CLVS1: variants seen among roughly 807,000 people sequenced by gnomAD.
The protein encoded by CLVS1 is clavesin-1.
In CLVS1, 10 loss-of-function variants were observed where a neutral mutation model predicts 33.1. That is an observed-to-expected ratio of 0.30 (90% CI 0.19 to 0.51). The LOEUF is 0.51. Among genes scored for constraint, CLVS1 ranks in the 20% least tolerant of loss-of-function variants. The pLI is 0.97. For missense variants in CLVS1, 343 were observed against 433.4 expected (o/e 0.79, Z 1.85); for synonymous variants, 163 against 166.1 (o/e 0.98, Z 0.14).
At chr8:60,997,985 G>A in the CLVS1 span, among the ~76,000 whole-genome samples, 3 of 152,042 alleles carry the variant, frequency 2.0e-5, no homozygotes, top group East Asian at 1.9e-4. Context: ...TGTGGAGGAC[G>A]GTGGGAAGGT....
intron 1 of CLVS1, among the ~76,000 whole-genome samples, chr8:61,114,866 C>G (rs1046240183): frequency 6.6e-6 from 1 of 152,124 alleles, no homozygotes; most frequent in Non-Finnish European, 1.5e-5. Context: ...CCAAACAAAA[C>G]AAATATAACA....
intron 2 of CLVS1, among the ~76,000 whole-genome samples, chr8:61,337,332 T>A (rs1811843421): frequency 6.6e-6 from 1 of 152,204 alleles, no homozygotes; most frequent in Non-Finnish European, 1.5e-5. Flanking sequence ...TTTTGCCCTC[T>A]TAGCCTCCGG....
intron 1 of CLVS1, among the ~76,000 whole-genome samples, chr8:61,073,378 C>T (rs1027974171): frequency 3.3e-5 from 5 of 152,144 alleles, no homozygotes; most frequent in Non-Finnish European, 7.3e-5. Flanking sequence ...TTTCTAATAG[C>T]TTCTAAAACC....
chr8:61,240,192 C>T (rs1290861023), intron 2 of CLVS1, among the ~76,000 whole-genome samples: 1 of 152,234 alleles, frequency 6.6e-6, no homozygotes, highest in Non-Finnish European at 1.5e-5. Context: ...CTCTCCACAA[C>T]TTCCCACCAC....
At chr8:61,180,385 T>G (rs1419744571) in intron 2 of CLVS1, among the ~76,000 whole-genome samples, 1 of 152,184 alleles carries the variant, frequency 6.6e-6, no homozygotes, top group Non-Finnish European at 1.5e-5. Context: ...ACCAGGTGGA[T>G]TCACAGCCAA....
At chr8:61,449,821 T>G (rs1402394357) in intron 3 of CLVS1, among the ~76,000 whole-genome samples, 1 of 152,202 alleles carries the variant, frequency 6.6e-6, no homozygotes, top group Non-Finnish European at 1.5e-5. Flanking sequence ...CTGATTTGTC[T>G]TCTTCTCTCC....
chr8:61,048,663 CT>C, the CLVS1 span, among the ~76,000 whole-genome samples: 1 of 152,104 alleles, frequency 6.6e-6, no homozygotes, highest in South Asian at 2.1e-4. Flanking sequence ...AAGGCAGGAC[CT>C]TTTGCATCAA....
At chr8:61,031,732 C>T in the CLVS1 span, among the ~76,000 whole-genome samples, 2,213 of 152,264 alleles carry the variant, frequency 0.015, 59 homozygotes, top group African/African-American at 0.05. Flanking sequence ...TAATTCAATA[C>T]AGAATGGGGA....
chr8:61,370,134 A>T lies in CLVS1; in HGVS notation c.456-6471A>T, dbSNP rs540424419. On this transcript the variant is annotated intron_variant, in intron 2 of 5. Coordinates refer to ENST00000325897, the MANE Select transcript of CLVS1 (RefSeq NM_173519.3). The stretch of plus-strand genomic sequence containing the variant: ...GACCTTAAGAAATTTCCAAAGTCAA[A>T]TCATCATATTAAGTGTGATGTCAAG... 4.6e-5 allele frequency among the ~76,000 whole-genome samples: 7 copies of T among 152,324 alleles called. No homozygotes were observed. In the East Asian group the frequency reaches 1.4e-3, roughly 29 times the overall value.
intron 2 of CLVS1, among the ~76,000 whole-genome samples, chr8:61,134,749 C>T (rs1021958712): frequency 9.9e-5 from 15 of 152,174 alleles, no homozygotes; most frequent in Non-Finnish European, 2.1e-4. Flanking sequence ...ACACTGAGCC[C>T]ACCCAGGTAA....
chr8:61,048,936 G>C, the CLVS1 span, among the ~76,000 whole-genome samples: 1,638 of 152,166 alleles, frequency 0.011, 22 homozygotes, highest in African/African-American at 0.037. Context: ...CTCTGTCCTG[G>C]AGAGTAGGCA....
chr8:61,236,233 G>T (rs1354633739), intron 2 of CLVS1, among the ~76,000 whole-genome samples: 1 of 152,190 alleles, frequency 6.6e-6, no homozygotes, highest in Non-Finnish European at 1.5e-5. Context: ...TGAGATATGG[G>T]CACAACACCT....
At chr8:61,416,302 C>CA (rs1397954928) in intron 3 of CLVS1, among the ~76,000 whole-genome samples, 1,528 of 92,208 alleles carry the variant, frequency 0.017, 13 homozygotes, top group Middle Eastern at 0.031. Flanking sequence ...AGCTAGCTAG[C>CA]TAGATACATA....
In CLVS1 at chr8:61,078,986, T is replaced by A. The variant is rs568941601; in HGVS notation, c.-243+21756T>A. ...ATTTTCCAAGAACAACATTTGTGAA[T>A]GTTGAGAAAAAAATAGGTAGAAATA... On this transcript the variant is annotated intron_variant, in intron 1 of 2. Coordinates refer to the CLVS1 transcript ENST00000522621. 3.3e-5 allele frequency among the ~76,000 whole-genome samples: 5 copies of A among 152,242 alleles called. No individual in the cohort carries two copies. In the South Asian group the frequency reaches 8.3e-4, roughly 25 times the overall value.
At chr8:61,144,878 C>T (rs757094915) in intron 2 of CLVS1, among the ~76,000 whole-genome samples, 3 of 152,154 alleles carry the variant, frequency 2.0e-5, no homozygotes, top group African/African-American at 4.8e-5. Context: ...TACAGGTGCC[C>T]GCTGCCACAC....
At chr8:61,059,763 A>T (rs377285923) in intron 1 of CLVS1, among the ~76,000 whole-genome samples, 2 of 150,684 alleles carry the variant, frequency 1.3e-5, no homozygotes, top group East Asian at 3.9e-4. Flanking sequence ...GTGAGCCGAG[A>T]TCACACCAAG....
chr8:61,458,927 C>G (rs562851184), intron 5 of CLVS1, among the ~76,000 whole-genome samples: 7 of 152,178 alleles, frequency 4.6e-5, no homozygotes, highest in Non-Finnish European at 1.0e-4. Context: ...TGAGAATTTA[C>G]TGGGCTGCAG....
intron 2 of CLVS1, among the ~76,000 whole-genome samples, chr8:61,196,928 A>C (rs554550105): frequency 6.6e-6 from 1 of 152,306 alleles, no homozygotes; most frequent in South Asian, 2.1e-4. Context: ...TTTAAAAATC[A>C]CTTGCCCTCT....
intron 2 of CLVS1, among the ~76,000 whole-genome samples, chr8:61,363,488 T>C (rs1813066525): frequency 6.6e-6 from 1 of 152,190 alleles, no homozygotes; most frequent in African/African-American, 2.4e-5. Context: ...TAATTCGGGA[T>C]GTAATTAAGG....
Sources: allele counts gnomAD v4.1 joint callset (sites outside exome capture counted in the v4.1 genomes callset), GRCh38; gene constraint gnomAD v4.1.1; transcripts MANE v1.5; gene names NCBI Gene and HGNC (gene_info 2026-07-23, HGNC 2026-07-21).